KDM4C: variants seen among roughly 807,000 people sequenced by gnomAD.
KDM4C encodes the protein lysine-specific demethylase 4C.
A neutral mutation model predicts 129.3 loss-of-function variants in KDM4C; 81 were observed. The observed-to-expected ratio is 0.63, with a 90% CI of 0.52 to 0.75. The LOEUF is 0.75. Among genes scored for constraint, KDM4C ranks in the 30% least tolerant of loss-of-function variants. The pLI, the probability that KDM4C is intolerant of heterozygous loss-of-function variation, is 0.00. For missense variants in KDM4C, 1,457 were observed against 1,304.0 expected, an observed-to-expected ratio of 1.12 and a Z score of -1.81; for synonymous variants, 573 against 456.1, an observed-to-expected ratio of 1.26 and a Z score of -3.26.
chr9:6,881,015 A>G (rs1431682373), intron 6 of KDM4C, among the ~76,000 whole-genome samples: 2 of 152,226 alleles, frequency 1.3e-5, no homozygotes, highest in Non-Finnish European at 2.9e-5. Context: ...TTGAGTCCTC[A>G]GTGAGCAGTG....
At chr9:7,026,728 T>G (rs1208493516) in intron 15 of KDM4C, among the ~76,000 whole-genome samples, 1 of 152,154 alleles carries the variant, frequency 6.6e-6, no homozygotes, top group Non-Finnish European at 1.5e-5. Context: ...CTCTCAGATT[T>G]GCCCTTTTGA....
chr9:6,730,034 C>G lies in KDM4C; in HGVS notation c.49+9037C>G, dbSNP rs924939308. 5.6e-5 allele frequency among the ~76,000 whole-genome samples: 5 copies of G among 89,888 alleles called. 1 individual carries two copies. The highest frequency in any genetic ancestry group is 1.0e-4 in the Non-Finnish European group (5 of 49,436). 59.0% of individuals were successfully genotyped at this position (89,888 alleles called of 152,430 possible). ...CTGAGGCAGGAGAATCGCTTGAACC[C>G]AGGAAATGGAGGCTGCAGTGGGCCG... On this transcript the variant is annotated intron_variant, in intron 1 of 17. Coordinates refer to the KDM4C transcript ENST00000536108.
At chr9:7,073,453 A>G (rs1055775296) in intron 17 of KDM4C, among the ~76,000 whole-genome samples, 3 of 152,078 alleles carry the variant, frequency 2.0e-5, no homozygotes, top group Admixed American at 2.0e-4. Flanking sequence ...TCCTGACCCA[A>G]CTCCCATGTT....
At chr9:7,019,771 T>TAAAAATATAATA (rs1563993500) in intron 15 of KDM4C, among the ~76,000 whole-genome samples, 1 of 125,278 alleles carries the variant, frequency 8.0e-6, no homozygotes, top group African/African-American at 3.4e-5. Context: ...AAATATAATA[T>TAAAAATATAATA]TTTTATATAT....
In KDM4C at chr9:6,835,650, G is replaced by A; in HGVS notation, c.436-13857G>A. 6.6e-6 allele frequency: 5 copies of A among 756,480 alleles called. No individual in the cohort carries two copies. In the Admixed American group the frequency reaches 9.9e-5, roughly 15 times the overall value. 46.9% of individuals were successfully genotyped at this position (756,480 alleles called of 1,614,324 possible). On this transcript the variant is annotated intron_variant, in intron 4 of 21. Coordinates refer to ENST00000381309, the MANE Select transcript of KDM4C (RefSeq NM_015061.6). ...CTTGTGCAGAAAACAAGATGAGATT[G>A]GCATGGCTTTATTTTTTGTTTTGTT...
At chr9:7,126,770 T>C (rs1490242280) in intron 18 of KDM4C, among the ~76,000 whole-genome samples, 2 of 151,918 alleles carry the variant, frequency 1.3e-5, no homozygotes, top group Non-Finnish European at 2.9e-5. Flanking sequence ...AACTGAACCA[T>C]ACTCCTGGAA....
intron 2 of KDM4C, among the ~76,000 whole-genome samples, chr9:6,804,336 G>C (rs372886920): frequency 6.6e-6 from 1 of 152,144 alleles, no homozygotes; most frequent in South Asian, 2.1e-4. Context: ...GGCCATGGTG[G>C]GAGTACTATG....
intron 15 of KDM4C, among the ~76,000 whole-genome samples, chr9:7,026,334 T>C (rs765193986): frequency 2.6e-5 from 4 of 152,166 alleles, no homozygotes; most frequent in Non-Finnish European, 5.9e-5. Context: ...GTTCAGAGGA[T>C]ATTTTCACCA....
At chr9:6,795,640 T>C (rs1462923801) in intron 2 of KDM4C, among the ~76,000 whole-genome samples, 2 of 151,920 alleles carry the variant, frequency 1.3e-5, no homozygotes, top group Admixed American at 1.3e-4. Context: ...ACATGTATCT[T>C]GTTAAAGTTC....
chr9:7,065,912 C>T (rs1016836640), intron 17 of KDM4C, among the ~76,000 whole-genome samples: 4 of 151,584 alleles, frequency 2.6e-5, no homozygotes, highest in Non-Finnish European at 5.9e-5. Flanking sequence ...TTGTGATCCG[C>T]AGGTCTTTTC....
At chr9:6,808,929 A>C (rs903699996) in intron 3 of KDM4C, among the ~76,000 whole-genome samples, 1 of 152,102 alleles carries the variant, frequency 6.6e-6, no homozygotes, top group Admixed American at 6.5e-5. Flanking sequence ...TGAAAGCATA[A>C]ATCTTACAAA....
intron 8 of KDM4C, among the ~76,000 whole-genome samples, chr9:6,922,462 C>G (rs182820746): frequency 6.6e-6 from 1 of 152,210 alleles, no homozygotes; most frequent in South Asian, 2.1e-4. Context: ...CAGCAATCTT[C>G]CAGGCTGTGC....
chr9:7,142,469 T>A (rs1841844891), intron 19 of KDM4C, among the ~76,000 whole-genome samples: 1 of 152,184 alleles, frequency 6.6e-6, no homozygotes, highest in Non-Finnish European at 1.5e-5. Flanking sequence ...TCCCTCATCA[T>A]GAACCAGTGT....
In KDM4C at chr9:6,887,942, T is replaced by A. The variant is rs751708318; in HGVS notation, c.680-18T>A. 6.9e-7 allele frequency: 1 copy of A among 1,449,436 alleles called. No individual in the cohort carries two copies. The highest frequency in any genetic ancestry group is 9.7e-7 in the Non-Finnish European group (1 of 1,030,606). The allele number at this position is 1,449,436 out of a possible 1,614,324, so 89.8% of individuals were successfully genotyped here. A position where few individuals can be genotyped will look rare whatever the true frequency, so the allele number is the denominator to read the frequency against. ...CTTAATCGACACAGTGCCACTTACATTTATTGTTTCTTTTTAGGTTTTTTC... is the reference window on the plus strand; with the variant it reads ...CTTAATCGACACAGTGCCACTTACAATTATTGTTTCTTTTTAGGTTTTTTC... On this transcript the variant is annotated intron_variant, in intron 6 of 21. Transcript: ENST00000381309.
At chr9:7,035,553 C>G (rs972594609) in intron 15 of KDM4C, among the ~76,000 whole-genome samples, 2 of 151,752 alleles carry the variant, frequency 1.3e-5, no homozygotes, top group East Asian at 3.9e-4. Flanking sequence ...TTCATAAAAT[C>G]ATTTCCCAGA....
chr9:6,811,186 C>T (rs1482182376), intron 3 of KDM4C, among the ~76,000 whole-genome samples: 2 of 152,094 alleles, frequency 1.3e-5, no homozygotes, highest in Non-Finnish European at 2.9e-5. Context: ...CAGAGTCTCG[C>T]TCTGTTGCCC....
intron 17 of KDM4C, among the ~76,000 whole-genome samples, chr9:7,059,819 A>G (rs944214813): frequency 6.6e-6 from 1 of 152,206 alleles, no homozygotes; most frequent in African/African-American, 2.4e-5. Context: ...TTATTTTCAT[A>G]AAAATATTTT....
intron 5 of KDM4C, among the ~76,000 whole-genome samples, chr9:6,852,548 C>G (rs146209664): frequency 6.6e-6 from 1 of 152,200 alleles, no homozygotes; most frequent in Non-Finnish European, 1.5e-5. Flanking sequence ...CATGTGGGTG[C>G]GTGTGCACCA....
intron 15 of KDM4C, among the ~76,000 whole-genome samples, chr9:7,021,036 T>G (rs1824734383): frequency 6.6e-6 from 1 of 151,906 alleles, no homozygotes. Flanking sequence ...ATGTGTTCAA[T>G]TAGTTTTTTC....
Sources: gnomAD v4.1 joint callset for allele counts (sites outside exome capture counted in the v4.1 genomes callset) on GRCh38, gnomAD v4.1.1 for gene constraint, MANE v1.5 for transcripts, NCBI Gene and HGNC (gene_info 2026-07-23, HGNC 2026-07-21) for gene names.